The following PLA2R1 variants were observed in gnomAD, a reference collection of about 807,000 sequenced individuals.
PLA2R1 encodes the protein secretory phospholipase A2 receptor.
In PLA2R1, 158 loss-of-function variants were observed where a neutral mutation model predicts 195.9. The observed-to-expected ratio is 0.81, with a 90% CI of 0.71 to 0.92. The LOEUF is 0.92. Among genes scored for constraint, PLA2R1 ranks in the 40% least tolerant of loss-of-function variants. The pLI is 0.00. For synonymous variants in PLA2R1, 586 were observed against 598.2 expected (o/e 0.98, Z 0.30); for missense variants, 1,626 against 1,764.6 (o/e 0.92, Z 1.41).
intron 10 of PLA2R1, among the ~76,000 whole-genome samples, chr2:160,012,155 G>A (rs1692407517): frequency 6.6e-6 from 1 of 152,200 alleles, no homozygotes; most frequent in Non-Finnish European, 1.5e-5. Context: ...GGGTCTCTAG[G>A]TAAAACCAGT....
intron 9 of PLA2R1, 39 bp downstream of exon 9, chr2:160,016,575 A>AAGT (rs748637996): frequency 1.1e-6 from 1 of 925,432 alleles, no homozygotes; most frequent in Non-Finnish European, 1.8e-6. Flanking sequence ...TCTAGCTATG[A>AAGT]AGTCCCTGTA....
chr2:159,941,888 A>C lies in PLA2R1; in HGVS notation c.4282T>G (p.Phe1428Val). ...TTCCGAAACCCTGCAAGTCTCCTGA[A>C]GAAGCCACCGTTATGCTTGTATATG... is the stretch of plus-strand genomic sequence containing the variant. ...FCIYKHNGGF[F>V]RRLAGFRNPY... The change falls in exon 30 of 30, where the codon TTC becomes GTC. Residue 1428 changes from phenylalanine (F) to valine (V), a missense_variant. Physicochemically the swap from Phe to Val is conservative, Grantham distance 50. Transcript: ENST00000283243. 6.2e-7 allele frequency: 1 copy of C among 1,613,736 alleles called. No individual in the cohort carries two copies. Among genetic ancestry groups the C allele is most frequent in the Non-Finnish European group, 8.5e-7 (1 of 1,179,662 alleles).
At chr2:160,050,367 C>G (rs911760220) in intron 1 of PLA2R1, among the ~76,000 whole-genome samples, 9 of 152,178 alleles carry the variant, frequency 5.9e-5, no homozygotes, top group African/African-American at 1.9e-4. Context: ...AGACTCACTT[C>G]ACCCATAAAC....
intron 2 of PLA2R1, 130 bp from the exon 3 acceptor site, chr2:160,042,328 G>T: frequency 1.5e-6 from 1 of 674,342 alleles, no homozygotes. Context: ...AGCAGAGTGA[G>T]CCCTCAGGTC....
chr2:159,929,785 TTGTATA>T (rs1223522009), downstream of PLA2R1, among the ~76,000 whole-genome samples: 1 of 151,502 alleles, frequency 6.6e-6, no homozygotes, highest in East Asian at 1.9e-4. Context: ...GATAAAGAAA[TTGTATA>T]TGTATATGTA....
chr2:160,019,929 T>C (rs946153938), intron 8 of PLA2R1, among the ~76,000 whole-genome samples, 177 bp downstream of exon 8: 5 of 152,218 alleles, frequency 3.3e-5, no homozygotes, highest in Non-Finnish European at 7.3e-5. Flanking sequence ...GGAGCAATCA[T>C]TACAACTATA....
At chr2:160,004,958 G>T (rs1050729186) in intron 11 of PLA2R1, among the ~76,000 whole-genome samples, 14 of 152,256 alleles carry the variant, frequency 9.2e-5, no homozygotes, top group Admixed American at 1.3e-4. Flanking sequence ...ACCCATATGT[G>T]CCCATCCACC....
At chr2:160,057,408 C>T (rs1322894872) in intron 1 of PLA2R1, among the ~76,000 whole-genome samples, 1 of 152,216 alleles carries the variant, frequency 6.6e-6, no homozygotes, top group Non-Finnish European at 1.5e-5. Context: ...CAGTGGGCCT[C>T]TTTCCTTGAA....
At position 159,977,680 on chromosome 2, in the gene PLA2R1, G is replaced by A. The variant is rs547362416; in HGVS notation, c.2269-264C>T. ...AGGCCAGGCACGGTGGCTCATGCCT[G>A]TAATCCCAGCACTTTGGGAGGCCAA... is the stretch of plus-strand genomic sequence containing the variant. On this transcript the variant is annotated intron_variant, in intron 14 of 29. Coordinates refer to ENST00000283243, the MANE Select transcript of PLA2R1 (RefSeq NM_007366.5). Among the ~76,000 whole-genome samples, 30 of 152,312 alleles carry A rather than the reference G, an allele frequency of 2.0e-4. No homozygotes were observed. In the South Asian group the frequency reaches 5.4e-3, roughly 27 times the overall value.
intron 2 of PLA2R1, 70 bp from the exon 3 acceptor site, chr2:160,042,268 C>A: frequency 2.9e-6 from 4 of 1,389,146 alleles, no homozygotes; most frequent in Non-Finnish European, 4.0e-6. Flanking sequence ...TGCTATATAT[C>A]GAAAGCATTT....
chr2:160,053,353 G>C (rs868105849), intron 1 of PLA2R1, among the ~76,000 whole-genome samples: 14 of 150,996 alleles, frequency 9.3e-5, no homozygotes, highest in South Asian at 4.3e-4. Flanking sequence ...TTTGGTGGGG[G>C]GGGGGGGAAC....
At chr2:160,028,438 C>CA (rs1693655029) in intron 5 of PLA2R1, 77 bp from the exon 6 acceptor site, 1 of 991,338 alleles carries the variant, frequency 1.0e-6, no homozygotes, top group South Asian at 1.4e-5. Context: ...TGGTTTTCAG[C>CA]ATCGGGGGAC....
At chr2:159,957,503 C>T (rs1320801200) in intron 20 of PLA2R1, among the ~76,000 whole-genome samples, 1 of 152,032 alleles carries the variant, frequency 6.6e-6, no homozygotes, top group Non-Finnish European at 1.5e-5. Flanking sequence ...TACAGGTGCG[C>T]ACCACCATGC....
downstream of PLA2R1, among the ~76,000 whole-genome samples, chr2:159,929,733 A>G (rs1686545698): frequency 6.6e-6 from 1 of 152,222 alleles, no homozygotes; most frequent in Admixed American, 6.5e-5. Flanking sequence ...TCGCAATTGC[A>G]AAAATGTGGG....
intron 8 of PLA2R1, among the ~76,000 whole-genome samples, chr2:160,019,086 G>A (rs958516982): frequency 6.6e-6 from 1 of 152,146 alleles, no homozygotes. Context: ...TTGGGATTAA[G>A]CTAATTCTGT....
intron 17 of PLA2R1, among the ~76,000 whole-genome samples, chr2:159,972,223 C>T (rs1689235675): frequency 6.6e-6 from 1 of 152,084 alleles, no homozygotes; most frequent in Non-Finnish European, 1.5e-5. Context: ...TGATATGGCA[C>T]AGAACTGAAC....
chr2:159,976,763 A>C, intron 15 of PLA2R1, 43 bp from the exon 16 acceptor site: 2 of 1,512,628 alleles, frequency 1.3e-6, no homozygotes, highest in Non-Finnish European at 1.8e-6. Context: ...CTTGCTTCTC[A>C]AGTGCATTGT....
downstream of PLA2R1, among the ~76,000 whole-genome samples, chr2:159,928,670 T>A (rs1686532515): frequency 6.6e-6 from 1 of 152,098 alleles, no homozygotes; most frequent in African/African-American, 2.4e-5. Flanking sequence ...AAAATTCATA[T>A]GGAACCAAAA....
At chr2:159,990,510 C>T (rs1690698203) in intron 11 of PLA2R1, among the ~76,000 whole-genome samples, 1 of 152,194 alleles carries the variant, frequency 6.6e-6, no homozygotes, top group African/African-American at 2.4e-5. Flanking sequence ...TGCCTCTAGA[C>T]AATTATTTCA....
Sources: allele counts gnomAD v4.1 joint callset (sites outside exome capture counted in the v4.1 genomes callset), GRCh38; gene constraint gnomAD v4.1.1; transcripts MANE v1.5; gene names NCBI Gene and HGNC (gene_info 2026-07-23, HGNC 2026-07-21).